Variants in PLA2G4A observed in about 807,000 individuals in gnomAD.
PLA2G4A encodes the protein phospholipase A2 group IVA, also known as cytosolic phospholipase A2.
A neutral mutation model predicts 81.9 loss-of-function variants in PLA2G4A; 40 were observed. That is an observed-to-expected ratio of 0.49 (90% confidence interval 0.38 to 0.64). The LOEUF is 0.64. Among genes scored for constraint, PLA2G4A ranks in the 30% least tolerant of loss-of-function variants. The pLI is 0.00. For synonymous variants in PLA2G4A, 302 were observed against 296.9 expected, an observed-to-expected ratio of 1.02 and a Z score of -0.18; for missense variants, 715 against 905.1, an observed-to-expected ratio of 0.79 and a Z score of 2.69.
At chr1:186,957,673 G>T (rs1262002356) in intron 14 of PLA2G4A, among the ~76,000 whole-genome samples, 3 of 152,204 alleles carry the variant, frequency 2.0e-5, no homozygotes. Flanking sequence ...GAAAGGTTAG[G>T]TAACTTTCTT....
At chr1:186,935,323 A>T (rs1033676032) in intron 8 of PLA2G4A, among the ~76,000 whole-genome samples, 31 of 151,964 alleles carry the variant, frequency 2.0e-4, no homozygotes, top group African/African-American at 6.7e-4. Context: ...AAAGCCATCT[A>T]TTATTTCAAG....
intron 7 of PLA2G4A, among the ~76,000 whole-genome samples, chr1:186,929,710 TAGCTTTGTGAC>T (rs1407342522): frequency 1.3e-5 from 2 of 152,200 alleles, no homozygotes; most frequent in Non-Finnish European, 2.9e-5. Context: ...TACCACTTTC[TAGCTTTGTGAC>T]ATTGGAAAAA....
intron 3 of PLA2G4A, among the ~76,000 whole-genome samples, chr1:186,871,389 A>G (rs994255785): frequency 3.9e-5 from 6 of 152,172 alleles, no homozygotes; most frequent in Non-Finnish European, 8.8e-5. Context: ...AATGTCTTAG[A>G]TTTAACATCT....
intron 13 of PLA2G4A, among the ~76,000 whole-genome samples, chr1:186,955,799 T>G (rs948498336): frequency 7.1e-6 from 1 of 140,786 alleles, no homozygotes; most frequent in Non-Finnish European, 1.5e-5. Context: ...AGTGATGCAA[T>G]ATCGGCTCAC....
Position 186,977,808 on chromosome 1 carries a change from T to G in PLA2G4A, c.1960+20T>G, listed in dbSNP as rs1657585445. 1 of 1,504,884 alleles carries G rather than the reference T, an allele frequency of 6.6e-7. No homozygotes were observed. Among genetic ancestry groups the G allele is most frequent in the South Asian group, 1.1e-5 (1 of 88,846 alleles). The allele number at this position is 1,504,884 out of a possible 1,614,324, so 93.2% of individuals were successfully genotyped here. The stretch of plus-strand genomic sequence containing the variant: ...CTCCAGGTAAGTAGGGAGTAAGCTG[T>G]ATTCCATAAAATAGAAATTAAGTAG... On this transcript the variant is annotated intron_variant, in intron 16 of 17. Transcript: ENST00000367466.
intron 3 of PLA2G4A, among the ~76,000 whole-genome samples, chr1:186,879,852 TA>T (rs1653662992): frequency 1.3e-5 from 2 of 150,874 alleles, no homozygotes; most frequent in African/African-American, 4.9e-5. Flanking sequence ...TATATTTTTT[TA>T]TTATATTTTA....
At chr1:186,835,440 G>A (rs560439144) in intron 1 of PLA2G4A, among the ~76,000 whole-genome samples, 1 of 152,284 alleles carries the variant, frequency 6.6e-6, no homozygotes, top group East Asian at 1.9e-4. Flanking sequence ...GAGCAATTAT[G>A]TAAGAATTTA....
intron 15 of PLA2G4A, among the ~76,000 whole-genome samples, chr1:186,966,249 A>G (rs1402726440): frequency 6.6e-6 from 1 of 151,900 alleles, no homozygotes; most frequent in Non-Finnish European, 1.5e-5. Context: ...TTAATAGAAG[A>G]GACAAGCATG....
intron 1 of PLA2G4A, among the ~76,000 whole-genome samples, chr1:186,830,941 GCTTGCTTGCTTGCTTGCTTTCTTT>G (rs772099299): frequency 0.14 from 11,767 of 86,502 alleles, 593 homozygotes; most frequent in Middle Eastern, 0.17. Flanking sequence ...TGTATAGCTT[GCTTGCTTGCTTGCTTGCTTTCTTT>G]CTTTCTTTCT....
intron 1 of PLA2G4A, among the ~76,000 whole-genome samples, chr1:186,848,806 A>G (rs2102018935): frequency 6.6e-6 from 1 of 152,146 alleles, no homozygotes; most frequent in Admixed American, 6.6e-5. Flanking sequence ...CTAGACTTGG[A>G]CAGTTAGCTA....
At chr1:186,896,274 C>T (rs1491003428) in intron 5 of PLA2G4A, among the ~76,000 whole-genome samples, 1 of 152,142 alleles carries the variant, frequency 6.6e-6, no homozygotes, top group Non-Finnish European at 1.5e-5. Flanking sequence ...GTCATTGTTG[C>T]TGTTATTACA....
chr1:186,918,646 C>T (rs949521335), intron 7 of PLA2G4A, among the ~76,000 whole-genome samples: 2 of 152,312 alleles, frequency 1.3e-5, no homozygotes, highest in East Asian at 1.9e-4. Context: ...TGGCTGGTCC[C>T]GAAGGTCAGG....
chr1:186,852,635 G>T (rs1347398012), intron 1 of PLA2G4A, among the ~76,000 whole-genome samples: 1 of 151,954 alleles, frequency 6.6e-6, no homozygotes, highest in African/African-American at 2.4e-5. Context: ...GGCTAAGAGA[G>T]AGAGCCCATT....
intron 1 of PLA2G4A, among the ~76,000 whole-genome samples, chr1:186,834,379 G>C (rs979320178): frequency 6.6e-6 from 1 of 151,594 alleles, no homozygotes; most frequent in Admixed American, 6.6e-5. Flanking sequence ...AAAGTCAAAC[G>C]TTTTTTTCTT....
chr1:186,979,757 T>C (rs540315844), intron 17 of PLA2G4A, among the ~76,000 whole-genome samples: 1 of 152,056 alleles, frequency 6.6e-6, no homozygotes, highest in Non-Finnish European at 1.5e-5. Context: ...TAACAAATTA[T>C]AAGTAAGGAA....
At chr1:186,872,263 G>A (rs541534652) in intron 3 of PLA2G4A, among the ~76,000 whole-genome samples, 1 of 151,972 alleles carries the variant, frequency 6.6e-6, no homozygotes, top group South Asian at 2.1e-4. Context: ...TTTTAAATGA[G>A]AATTTACTGA....
At chr1:186,892,519 C>T (rs1654181878) in intron 3 of PLA2G4A, among the ~76,000 whole-genome samples, 1 of 152,136 alleles carries the variant, frequency 6.6e-6, no homozygotes, top group Non-Finnish European at 1.5e-5. Context: ...ATATGGAGAT[C>T]CAGTTTTCCC....
At position 186,903,069 on chromosome 1, in the gene PLA2G4A, C is replaced by A. The variant is rs76138246; in HGVS notation, c.379-3896C>A. The stretch of plus-strand genomic sequence containing the variant: ...GTTCCTTCCTTACACGATTGAGGTA[C>A]AATGTACGGAAACATGATTCTAAGT... On this transcript the variant is annotated intron_variant, in intron 5 of 17. Coordinates refer to ENST00000367466, the MANE Select transcript of PLA2G4A (RefSeq NM_024420.3). Among the ~76,000 whole-genome samples, 1,203 of 152,112 alleles carry A rather than the reference C, an allele frequency of 7.9e-3. 21 individuals are homozygous for A. Among genetic ancestry groups the A allele is most frequent in the African/African-American group, 0.026 (1,087 of 41,492 alleles).
intron 5 of PLA2G4A, among the ~76,000 whole-genome samples, chr1:186,897,670 G>T (rs1408797026): frequency 1.3e-5 from 2 of 151,850 alleles, no homozygotes; most frequent in Admixed American, 1.3e-4. Flanking sequence ...CATCATGCCT[G>T]GCCAATTTTT....
Sources: gnomAD v4.1 joint callset for allele counts (sites outside exome capture counted in the v4.1 genomes callset) on GRCh38, gnomAD v4.1.1 for gene constraint, MANE v1.5 for transcripts, NCBI Gene and HGNC (gene_info 2026-07-23, HGNC 2026-07-21) for gene names.